Variants in C12orf42 observed in about 807,000 individuals in gnomAD.
C12orf42 encodes uncharacterized protein C12orf42.
Under a neutral mutation model 21.6 loss-of-function variants are expected in C12orf42, and 25 were observed. That is an observed-to-expected ratio of 1.16 (90% CI 0.84 to 1.62). The LOEUF (loss-of-function observed/expected upper bound fraction) is 1.62. Ranked by LOEUF, C12orf42 falls within the 40% of genes most tolerant of loss-of-function variation. The pLI is 0.00. For missense variants in C12orf42, 483 were observed against 459.3 expected (o/e 1.05, Z -0.47); for synonymous variants, 174 against 175.0 (o/e 0.99, Z 0.05).
chr12:103,554,079 G>C, the C12orf42 span, among the ~76,000 whole-genome samples: 14 of 152,158 alleles, frequency 9.2e-5, no homozygotes, highest in Non-Finnish European at 1.8e-4. Flanking sequence ...AAGAACCAGA[G>C]AGGAAAGTTT....
the C12orf42 span, among the ~76,000 whole-genome samples, chr12:103,073,050 C>T: frequency 6.6e-6 from 1 of 152,038 alleles, no homozygotes; most frequent in Admixed American, 6.6e-5. Context: ...GAGCTGGAGG[C>T]CATTATCCTT....
At chr12:103,288,878 A>T (rs1053006195) in intron 4 of C12orf42, among the ~76,000 whole-genome samples, 5 of 152,138 alleles carry the variant, frequency 3.3e-5, no homozygotes, top group African/African-American at 1.2e-4. Flanking sequence ...TTTAGTACTA[A>T]AGAATAATAT....
At chr12:103,263,093 A>G (rs1052857775) in intron 10 of C12orf42, among the ~76,000 whole-genome samples, 2 of 152,130 alleles carry the variant, frequency 1.3e-5, no homozygotes, top group African/African-American at 4.8e-5. Flanking sequence ...ACAGGTGGGA[A>G]TTGAACAATG....
At chr12:103,524,554 C>A in the C12orf42 span, among the ~76,000 whole-genome samples, 23 of 152,338 alleles carry the variant, frequency 1.5e-4, no homozygotes, top group African/African-American at 5.1e-4. Context: ...AACGCAGCAA[C>A]CTTGTCATTT....
At chr12:103,051,661 A>T in the C12orf42 span, among the ~76,000 whole-genome samples, 3 of 152,198 alleles carry the variant, frequency 2.0e-5, no homozygotes, top group African/African-American at 7.2e-5. Flanking sequence ...TGGGTGTCAG[A>T]CCAGGTCATC....
rs1470712299 is a variant in C12orf42 at position 103,302,286 on chromosome 12, G to A, written c.905C>T (p.Ser302Phe). Residue 302 changes from serine to phenylalanine, a missense_variant, in exon 6 of 6, where the codon TCC becomes TTC. Ser to Phe is a radical substitution (Grantham distance 155). Coordinates refer to ENST00000548883, the MANE Select transcript of C12orf42 (RefSeq NM_198521.5). ...CGCTCCTGCCAGATTGCCATGGAGGGAGGTGTCCGCCTGAGGCCTCCTGTC... is the reference window on the plus strand; with the variant it reads ...CGCTCCTGCCAGATTGCCATGGAGGAAGGTGTCCGCCTGAGGCCTCCTGTC... Reference protein sequence around the residue: ...PRDRRPQADTSLHGNLAGAPL... With the variant: ...PRDRRPQADTFLHGNLAGAPL... 2 of 1,613,260 alleles carry A rather than the reference G, an allele frequency of 1.2e-6. No homozygotes were observed. The highest frequency in any genetic ancestry group is 2.7e-5 in the African/African-American group (2 of 74,946).
chr12:103,537,205 C>T, the C12orf42 span, among the ~76,000 whole-genome samples: 2 of 151,830 alleles, frequency 1.3e-5, no homozygotes, highest in Non-Finnish European at 2.9e-5. Flanking sequence ...AGTTCTAGCA[C>T]AGAAGAGAAA....
At chr12:103,272,850 C>A (rs1022977326) in intron 5 of C12orf42, among the ~76,000 whole-genome samples, 1 of 152,164 alleles carries the variant, frequency 6.6e-6, no homozygotes, top group Non-Finnish European at 1.5e-5. Context: ...AAGGAATGAT[C>A]GGGCCTCCTG....
the C12orf42 span, among the ~76,000 whole-genome samples, chr12:103,051,682 T>C: frequency 0.022 from 3,412 of 152,276 alleles, 56 homozygotes; most frequent in African/African-American, 0.044. Flanking sequence ...CAGGAATCCA[T>C]GAGCAGGGTT....
intron 2 of C12orf42, among the ~76,000 whole-genome samples, chr12:103,441,173 T>C (rs1951216913): frequency 6.6e-6 from 1 of 152,164 alleles, no homozygotes; most frequent in Non-Finnish European, 1.5e-5. Flanking sequence ...CCCATGAGGT[T>C]TGAGGCACCC....
chr12:103,520,960 G>A, the C12orf42 span, among the ~76,000 whole-genome samples: 8 of 152,200 alleles, frequency 5.3e-5, no homozygotes, highest in Non-Finnish European at 1.5e-5. Flanking sequence ...CTTCCAAGTT[G>A]TGAGAGGCTT....
chr12:103,311,681 C>T (rs2038987278), intron 4 of C12orf42, among the ~76,000 whole-genome samples: 1 of 152,166 alleles, frequency 6.6e-6, no homozygotes, highest in South Asian at 2.1e-4. Flanking sequence ...TAGCCCATGA[C>T]TTAAAGTCCA....
At chr12:103,420,885 AT>A (rs2049834134) in intron 2 of C12orf42, among the ~76,000 whole-genome samples, 1 of 152,238 alleles carries the variant, frequency 6.6e-6, no homozygotes, top group South Asian at 2.1e-4. Context: ...GTGGTTATGA[AT>A]AATTCCCAGC....
the C12orf42 span, among the ~76,000 whole-genome samples, chr12:103,051,319 T>C: frequency 6.6e-6 from 1 of 152,162 alleles, no homozygotes; most frequent in South Asian, 2.1e-4. Flanking sequence ...TTCGGTTATA[T>C]TAGAGTTCAG....
the C12orf42 span, among the ~76,000 whole-genome samples, chr12:103,099,802 T>G: frequency 1.3e-5 from 2 of 152,194 alleles, no homozygotes; most frequent in African/African-American, 2.4e-5. Context: ...TAATATAGAT[T>G]AGAAAGTTTG....
the C12orf42 span, among the ~76,000 whole-genome samples, chr12:103,195,068 G>A: frequency 6.6e-6 from 1 of 152,136 alleles, no homozygotes; most frequent in African/African-American, 2.4e-5. Flanking sequence ...CTGTTACTGT[G>A]TTAATTTGGT....
the C12orf42 span, among the ~76,000 whole-genome samples, chr12:103,114,156 T>C: frequency 1.3e-5 from 2 of 152,202 alleles, no homozygotes; most frequent in Non-Finnish European, 2.9e-5. Flanking sequence ...AATACATATA[T>C]ATGCTTTCCA....
chr12:103,533,124 G>C, the C12orf42 span, among the ~76,000 whole-genome samples: 7 of 152,184 alleles, frequency 4.6e-5, no homozygotes, highest in African/African-American at 1.4e-4. Context: ...TGAATATTTA[G>C]TCGAGAGCAT....
At chr12:103,215,869 A>T in the C12orf42 span, among the ~76,000 whole-genome samples, 1 of 152,244 alleles carries the variant, frequency 6.6e-6, no homozygotes, top group Non-Finnish European at 1.5e-5. Flanking sequence ...CCTGGGAATA[A>T]GGTTTCCTCT....
Sources: allele counts gnomAD v4.1 joint callset (sites outside exome capture counted in the v4.1 genomes callset), GRCh38; gene constraint gnomAD v4.1.1; transcripts MANE v1.5; gene names NCBI Gene and HGNC (gene_info 2026-07-23, HGNC 2026-07-21).